KCNE2: variants seen among roughly 807,000 people sequenced by gnomAD.
KCNE2 encodes potassium voltage-gated channel subfamily E member 2.
A neutral mutation model predicts 4.5 loss-of-function variants in KCNE2; 4 were observed. The observed-to-expected ratio is 0.89, with a 90% CI of 0.44 to 2.03. The LOEUF is 2.03. Among genes scored for constraint, KCNE2 ranks in the 30% most tolerant of loss-of-function variants. The pLI is 0.03. For missense variants in KCNE2, 137 were observed against 151.4 expected, an observed-to-expected ratio of 0.90 and a Z score of 0.50; for synonymous variants, 57 against 55.9, an observed-to-expected ratio of 1.02 and a Z score of -0.09.
Position 34,370,658 on chromosome 21 carries a change from C to G in KCNE2, c.180C>G (p.Phe60Leu). 1 of 1,614,216 alleles carries G rather than the reference C, an allele frequency of 6.2e-7. No homozygotes were observed. The highest frequency in any genetic ancestry group is 8.5e-7 in the Non-Finnish European group (1 of 1,180,038). ...ACCTCATGGTGATGATTGGAATGTT[C>G]TCTTTCATCATCGTGGCCATCCTGG... Reference protein sequence around the residue: ...ILYLMVMIGMFSFIIVAILVS... With the variant: ...ILYLMVMIGMLSFIIVAILVS... The change falls in exon 2 of 2, where the codon TTC (phenylalanine) becomes TTG (leucine). Residue 60 changes from phenylalanine to leucine, a missense_variant. Coordinates refer to ENST00000290310, the MANE Select transcript of KCNE2 (RefSeq NM_172201.2).
intron 1 of KCNE2, among the ~76,000 whole-genome samples, chr21:34,366,785 C>T (rs180779472): frequency 1.2e-3 from 186 of 151,344 alleles, no homozygotes; most frequent in African/African-American, 4.2e-3. Flanking sequence ...CGAGACCATC[C>T]TGGCTAACAT....
At chr21:34,366,100 T>C (rs1284474771) in intron 1 of KCNE2, among the ~76,000 whole-genome samples, 1 of 152,130 alleles carries the variant, frequency 6.6e-6, no homozygotes, top group Non-Finnish European at 1.5e-5. Flanking sequence ...TAATGGGCAG[T>C]TGGGGCTGCT....
chr21:34,370,824 G>A lies in KCNE2; in HGVS notation c.346G>A (p.Ala116Thr), dbSNP rs150790888. The A allele has an allele frequency of 1.9e-5, 31 of 1,614,012 alleles. No individual in the cohort carries two copies. In the African/African-American group the frequency reaches 3.2e-4, roughly 17 times the overall value. The change falls in exon 2 of 2, where the codon GCG (alanine) becomes ACG (threonine). Residue 116 changes from alanine (A) to threonine (T), a missense_variant. By Grantham distance (58) the Ala-to-Thr change is moderately conservative. Transcript: ENST00000290310. Reference protein sequence around the residue: ...SKATIHENIGAAGFKMSP With the variant: ...SKATIHENIGTAGFKMSP ...GGCCACCATCCATGAGAACATTGGT[G>A]CGGCTGGGTTCAAAATGTCCCCCTG...
Position 34,371,288 on chromosome 21 carries a change from T to C in KCNE2, c.*438T>C. 2 of 233,740 alleles carry C rather than the reference T, an allele frequency of 8.6e-6. No individual in the cohort carries two copies. The highest frequency in any genetic ancestry group is 1.7e-5 in the Non-Finnish European group (2 of 116,804). 14.5% of individuals were successfully genotyped at this position (233,740 alleles called of 1,614,324 possible). On this transcript the variant is annotated 3_prime_UTR_variant, in exon 2 of 2. Transcript: ENST00000290310. ...TATGTAGAAGCTGAGGCTCAAAAGCTATCACTTGCTTACCAGACGGACATA... is the reference window on the plus strand; with the variant it reads ...TATGTAGAAGCTGAGGCTCAAAAGCCATCACTTGCTTACCAGACGGACATA...
intron 1 of KCNE2, among the ~76,000 whole-genome samples, chr21:34,367,987 C>A (rs1159153292): frequency 6.6e-6 from 1 of 151,906 alleles, no homozygotes; most frequent in East Asian, 1.9e-4. Context: ...GTTGCATTGT[C>A]ATTGATTTGG....
intron 1 of KCNE2, among the ~76,000 whole-genome samples, chr21:34,368,938 G>A (rs138665902): frequency 5.3e-5 from 8 of 152,274 alleles, no homozygotes; most frequent in East Asian, 1.9e-4. Context: ...GTGATTTAGA[G>A]TAGAACCAGG....
chr21:34,370,951 T>G lies in KCNE2; in HGVS notation c.*101T>G. 7.0e-7 allele frequency: 1 copy of G among 1,431,268 alleles called. No homozygotes were observed. Among genetic ancestry groups the G allele is most frequent in the Non-Finnish European group, 9.8e-7 (1 of 1,025,322 alleles). 88.7% of individuals were successfully genotyped at this position (1,431,268 alleles called of 1,614,324 possible). ...TTGTCTTTGCTTAGAAGAAAGTGAG[T>G]TCCTTGCTCTCTGTTGAGAATTTTC... On this transcript the variant is annotated 3_prime_UTR_variant, in exon 2 of 2. Transcript: ENST00000290310.
rs1411730541 is a variant in KCNE2 at position 34,370,473 on chromosome 21, G to T, written c.-6G>T. The T allele has an allele frequency of 6.2e-7, 1 of 1,614,168 alleles. No individual in the cohort carries two copies. The highest frequency in any genetic ancestry group is 1.1e-5 in the South Asian group (1 of 91,078). On this transcript the variant is annotated 5_prime_UTR_variant, in exon 2 of 2. Coordinates refer to ENST00000290310, the MANE Select transcript of KCNE2 (RefSeq NM_172201.2). ...TTTATTATTTAAATTGCAGCAGGAGGGAAGCATGTCTACTTTATCCAATTT... is the reference window on the plus strand; with the variant it reads ...TTTATTATTTAAATTGCAGCAGGAGTGAAGCATGTCTACTTTATCCAATTT...
intron 1 of KCNE2, among the ~76,000 whole-genome samples, chr21:34,368,775 T>C (rs1245971391): frequency 3.9e-5 from 6 of 152,212 alleles, no homozygotes; most frequent in Non-Finnish European, 8.8e-5. Flanking sequence ...TTGTTATAAA[T>C]ATGGCATTAT....
chr21:34,367,468 C>T (rs535635100), intron 1 of KCNE2, among the ~76,000 whole-genome samples: 88 of 152,284 alleles, frequency 5.8e-4, no homozygotes, highest in South Asian at 2.1e-3. Flanking sequence ...GGTATATACC[C>T]TGGGGCAATC....
chr21:34,368,236 A>AC (rs1249695352), intron 1 of KCNE2, among the ~76,000 whole-genome samples: 39 of 58,634 alleles, frequency 6.7e-4, no homozygotes, highest in African/African-American at 2.0e-3. Flanking sequence ...CACAATATAT[A>AC]TATATATATA....
At chr21:34,367,316 A>G (rs1979353096) in intron 1 of KCNE2, among the ~76,000 whole-genome samples, 1 of 152,180 alleles carries the variant, frequency 6.6e-6, no homozygotes, top group Non-Finnish European at 1.5e-5. Flanking sequence ...TTAATAAAAA[A>G]TAAAATGAAA....
intron 1 of KCNE2, among the ~76,000 whole-genome samples, chr21:34,368,229 A>ACTATATATATATATAT (rs781775671): frequency 1.2e-5 from 1 of 84,808 alleles, no homozygotes; most frequent in Non-Finnish European, 2.0e-5. Context: ...ACACACACAC[A>ACTATATATATATATAT]ATATATATAT....
At chr21:34,370,356 A>G in intron 1 of KCNE2, 111 bp from the exon 2 acceptor site, 1 of 1,286,152 alleles carries the variant, frequency 7.8e-7, no homozygotes, top group Non-Finnish European at 1.1e-6. Context: ...CAGGTTAAGA[A>G]GAAATACTAT....
At chr21:34,369,441 T>C (rs539872320) in intron 1 of KCNE2, among the ~76,000 whole-genome samples, 1 of 152,126 alleles carries the variant, frequency 6.6e-6, no homozygotes, top group South Asian at 2.1e-4. Flanking sequence ...TCCCAGCTAC[T>C]TGGGAGGCTG....
intron 1 of KCNE2, among the ~76,000 whole-genome samples, chr21:34,368,260 A>G (rs866472122): frequency 2.4e-5 from 2 of 82,512 alleles, no homozygotes; most frequent in African/African-American, 1.1e-4. Context: ...ATATATATAT[A>G]TGTATGTTAT....
intron 1 of KCNE2, among the ~76,000 whole-genome samples, chr21:34,364,428 C>A (rs1979206324): frequency 6.6e-6 from 1 of 152,098 alleles, no homozygotes; most frequent in South Asian, 2.1e-4. Flanking sequence ...GACTTTGCTG[C>A]CTTTTATAGG....
chr21:34,369,039 T>C lies in KCNE2; in HGVS notation c.-12-1428T>C, dbSNP rs114058216. ...GCAAAGGCATTCTAGGTTGAGAGAA[T>C]AGGATGTGATAATGTCCCGAGGAAA... On this transcript the variant is annotated intron_variant, in intron 1 of 1. Coordinates refer to ENST00000290310, the MANE Select transcript of KCNE2 (RefSeq NM_172201.2). Among the ~76,000 whole-genome samples, 1,067 of 151,906 alleles carry C rather than the reference T, an allele frequency of 7.0e-3. 15 individuals carry two copies. Among genetic ancestry groups the C allele is most frequent in the African/African-American group, 0.025 (1,016 of 41,344 alleles).
intron 1 of KCNE2, among the ~76,000 whole-genome samples, chr21:34,367,486 TTTG>T (rs1415081077): frequency 6.6e-6 from 1 of 152,174 alleles, no homozygotes; most frequent in East Asian, 1.9e-4. Flanking sequence ...ATCTTATCTA[TTTG>T]TTAAGTTTCC....
Sources: gnomAD v4.1 joint callset for allele counts (sites outside exome capture counted in the v4.1 genomes callset) on GRCh38, gnomAD v4.1.1 for gene constraint, MANE v1.5 for transcripts, NCBI Gene and HGNC (gene_info 2026-07-23, HGNC 2026-07-21) for gene names.